DNAJA3: variants seen among roughly 807,000 people sequenced by gnomAD.
DNAJA3 encodes dnaJ homolog subfamily A member 3, mitochondrial.
Under a neutral mutation model 54.9 loss-of-function variants are expected in DNAJA3, and 29 were observed. That is an observed-to-expected ratio of 0.53 (90% CI 0.39 to 0.72). The LOEUF (loss-of-function observed/expected upper bound fraction) is 0.72. DNAJA3 is among the 30% of genes least tolerant of loss of function. The pLI is 0.00. For synonymous variants in DNAJA3, 302 were observed against 251.4 expected (o/e 1.20, Z -1.90); for missense variants, 708 against 639.4 (o/e 1.11, Z -1.16).
Position 4,449,436 on chromosome 16 carries a change from G to A in DNAJA3, c.1241+588G>A, listed in dbSNP as rs982091854. 3 of 151,734 alleles carry A rather than the reference G, an allele frequency of 2.0e-5. No homozygotes were observed. The East Asian group carries it at 5.8e-4, about 29-fold the overall frequency. 9.4% of individuals were successfully genotyped at this position (151,734 alleles called of 1,614,324 possible). On this transcript the variant is annotated intron_variant, in intron 9 of 11. Coordinates refer to ENST00000262375, the MANE Select transcript of DNAJA3 (RefSeq NM_005147.6). ...ACTGTGTTGCCCAGGCTGGAATGTG[G>A]TGGTGCCATTTCAGCTCACTGCAAC... is the stretch of plus-strand genomic sequence containing the variant.
At chr16:4,429,858 A>G (rs918178231) in intron 1 of DNAJA3, among the ~76,000 whole-genome samples, 4 of 151,990 alleles carry the variant, frequency 2.6e-5, no homozygotes, top group Non-Finnish European at 4.4e-5. Context: ...TTAGCCAACT[A>G]TGGTGGCAAC....
At chr16:4,434,930 TCCATTGCTGAGGCTGGAGTGCAGTGG>T (rs2056755740) in intron 2 of DNAJA3, among the ~76,000 whole-genome samples, 2 of 127,968 alleles carry the variant, frequency 1.6e-5, no homozygotes, top group African/African-American at 6.1e-5. Context: ...GGAGTCTCAC[TCCATTGCTGAGGCTGGAGTGCAGTGG>T]CGCAATCTTG....
intron 6 of DNAJA3, 55 bp from the exon 7 acceptor site, chr16:4,444,609 C>T: frequency 6.6e-7 from 1 of 1,511,114 alleles, no homozygotes; most frequent in Non-Finnish European, 9.2e-7. Context: ...GCTGGGATTA[C>T]AGGCGTGAGC....
intron 5 of DNAJA3, 200 bp downstream of exon 5, chr16:4,442,620 A>T (rs2056850199): frequency 1.7e-6 from 1 of 601,198 alleles, no homozygotes; most frequent in African/African-American, 1.9e-5. Flanking sequence ...CAACCAGAGC[A>T]CAGCAGCTCC....
chr16:4,437,019 G>A (rs2056779418), intron 2 of DNAJA3, among the ~76,000 whole-genome samples: 1 of 152,120 alleles, frequency 6.6e-6, no homozygotes, highest in Admixed American at 6.5e-5. Flanking sequence ...CACCTAGGCT[G>A]GAGTGCAGTG....
At chr16:4,438,776 C>T (rs565474265) in intron 3 of DNAJA3, among the ~76,000 whole-genome samples, 5 of 151,820 alleles carry the variant, frequency 3.3e-5, no homozygotes, top group African/African-American at 7.2e-5. Context: ...CAGACCTGCC[C>T]GACTTTGGCC....
At chr16:4,437,945 G>C (rs1025804147) in intron 3 of DNAJA3, among the ~76,000 whole-genome samples, 1 of 151,134 alleles carries the variant, frequency 6.6e-6, no homozygotes, top group Non-Finnish European at 1.5e-5. Flanking sequence ...AACAGAAAAA[G>C]ACCTTCTCTC....
intron 3 of DNAJA3, among the ~76,000 whole-genome samples, chr16:4,438,239 C>T (rs2056795666): frequency 6.6e-6 from 1 of 152,032 alleles, no homozygotes; most frequent in African/African-American, 2.4e-5. Flanking sequence ...ATGGCGTGAA[C>T]CCGGGAGGCG....
At chr16:4,453,071 T>G (rs1360579712) in intron 10 of DNAJA3, among the ~76,000 whole-genome samples, 1 of 152,202 alleles carries the variant, frequency 6.6e-6, no homozygotes, top group African/African-American at 2.4e-5. Context: ...ATTTATTTAT[T>G]TGAGGCAGAG....
intron 3 of DNAJA3, chr16:4,440,974 C>G (rs750367381): frequency 8.9e-5 from 18 of 201,840 alleles, no homozygotes; most frequent in Non-Finnish European, 1.6e-4. Flanking sequence ...TCCGGTTGTT[C>G]TGGCTTGCAG....
intron 1 of DNAJA3, chr16:4,430,563 C>G (rs1031668528): frequency 3.0e-5 from 3 of 99,400 alleles, no homozygotes; most frequent in African/African-American, 1.1e-4. Flanking sequence ...AACTCCCTGT[C>G]AAAAAAAAAA....
At chr16:4,428,912 G>A (rs889049761) in intron 1 of DNAJA3, among the ~76,000 whole-genome samples, 20 of 135,928 alleles carry the variant, frequency 1.5e-4, no homozygotes, top group East Asian at 1.5e-3. Flanking sequence ...TTTTTGAGAC[G>A]GAGTCTCACT....
intron 7 of DNAJA3, 134 bp downstream of exon 7, chr16:4,444,862 C>T (rs2056884220): frequency 6.6e-6 from 5 of 753,268 alleles, no homozygotes; most frequent in East Asian, 2.9e-5. Context: ...GGCACAGTGG[C>T]CACCTAGATG....
chr16:4,453,831 G>A (rs1044596958), intron 10 of DNAJA3, among the ~76,000 whole-genome samples: 28 of 152,184 alleles, frequency 1.8e-4, no homozygotes, highest in Non-Finnish European at 3.4e-4. Context: ...CACTAGCGAA[G>A]GCACCTTCTT....
intron 2 of DNAJA3, 55 bp downstream of exon 2, chr16:4,434,572 C>G: frequency 6.3e-7 from 1 of 1,586,686 alleles, no homozygotes; most frequent in Non-Finnish European, 8.6e-7. Flanking sequence ...TGTTGTTGAT[C>G]CCATGTGATC....
At chr16:4,441,030 G>A (rs564124502) in intron 3 of DNAJA3, 1 of 319,122 alleles carries the variant, frequency 3.1e-6, no homozygotes, top group Non-Finnish European at 5.8e-6. Flanking sequence ...AATTCTCTAC[G>A]AGGTAATGTC....
chr16:4,454,431 T>C (rs1473639973), intron 10 of DNAJA3, among the ~76,000 whole-genome samples: 2 of 152,230 alleles, frequency 1.3e-5, no homozygotes, highest in African/African-American at 4.8e-5. Flanking sequence ...TTTTTGTTTT[T>C]TCATCTGTGA....
At chr16:4,439,536 A>G (rs552423832) in intron 3 of DNAJA3, among the ~76,000 whole-genome samples, 1 of 152,014 alleles carries the variant, frequency 6.6e-6, no homozygotes, top group Admixed American at 6.6e-5. Context: ...TCAATTTTTA[A>G]TGGGGCGGGG....
Position 4,442,330 on chromosome 16 carries a change from C to T in DNAJA3, c.693C>T (p.Asn231=). 1 of 1,609,018 alleles carries T rather than the reference C, an allele frequency of 6.2e-7. No individual in the cohort carries two copies. Among genetic ancestry groups the T allele is most frequent in the Non-Finnish European group, 8.5e-7 (1 of 1,177,546 alleles). Residue 231 remains asparagine, a synonymous_variant, in exon 5 of 12, where the codon AAC becomes AAT. Coordinates refer to ENST00000262375, the MANE Select transcript of DNAJA3 (RefSeq NM_005147.6). The part of the protein sequence containing the change: ...AKGVNKEFTV[N]IMDTCERCNG... ...GGGTCAACAAGGAGTTCACCGTGAA[C>T]ATCATGGACACGTGTGAGCGCTGCA...
Sources: gnomAD v4.1 joint callset for allele counts (sites outside exome capture counted in the v4.1 genomes callset) on GRCh38, gnomAD v4.1.1 for gene constraint, MANE v1.5 for transcripts, NCBI Gene and HGNC (gene_info 2026-07-23, HGNC 2026-07-21) for gene names.